Variants in COX7B2 observed in about 807,000 individuals in gnomAD.
COX7B2 encodes the protein cytochrome c oxidase subunit 7B2, mitochondrial.
For synonymous variants in COX7B2, 37 were observed against 32.1 expected (o/e 1.15, Z -0.51); for missense variants, 109 against 95.9 (o/e 1.14, Z -0.57).
At chr4:46,773,091 C>T (rs976410129) in intron 2 of COX7B2, among the ~76,000 whole-genome samples, 4 of 152,142 alleles carry the variant, frequency 2.6e-5, no homozygotes, top group African/African-American at 4.8e-5. Flanking sequence ...TTTTGCAACA[C>T]ATGAAATACG....
At chr4:46,764,753 CAATTATA>C in intron 2 of COX7B2, among the ~76,000 whole-genome samples, 1 of 148,794 alleles carries the variant, frequency 6.7e-6, no homozygotes. Context: ...CTGACCGTTA[CAATTATA>C]AAATATTTTA....
At chr4:46,761,155 CAATT>C (rs1716122513) in intron 2 of COX7B2, among the ~76,000 whole-genome samples, 1 of 152,100 alleles carries the variant, frequency 6.6e-6, no homozygotes, top group South Asian at 2.1e-4. Flanking sequence ...AGCTCTATCT[CAATT>C]AGAGCATTTT....
At chr4:46,753,669 T>A (rs7434807) in intron 2 of COX7B2, among the ~76,000 whole-genome samples, 49,191 of 151,236 alleles carry the variant, frequency 0.33, 8,233 homozygotes, top group South Asian at 0.47. Context: ...ACTTCATGTC[T>A]AAAACACCAA....
At chr4:46,825,307 T>C (rs2109707601) in intron 2 of COX7B2, among the ~76,000 whole-genome samples, 1 of 151,804 alleles carries the variant, frequency 6.6e-6, no homozygotes, top group Middle Eastern at 3.4e-3. Flanking sequence ...ATAAAATACC[T>C]AGGAATACAG....
chr4:46,828,932 TAAAAA>T (rs1177221978), intron 2 of COX7B2, among the ~76,000 whole-genome samples: 1 of 152,074 alleles, frequency 6.6e-6, no homozygotes, highest in Non-Finnish European at 1.5e-5. Context: ...GCATATAAAA[TAAAAA>T]AATGTATTTC....
At chr4:46,793,774 G>A (rs1043455111) in intron 2 of COX7B2, among the ~76,000 whole-genome samples, 5 of 152,198 alleles carry the variant, frequency 3.3e-5, no homozygotes, top group Non-Finnish European at 7.3e-5. Context: ...GCCAGATGCT[G>A]CTGAAGTGAA....
intron 2 of COX7B2, among the ~76,000 whole-genome samples, chr4:46,751,061 A>C (rs1230529065): frequency 1.3e-5 from 2 of 152,130 alleles, no homozygotes; most frequent in African/African-American, 4.8e-5. Flanking sequence ...ATTTCACACA[A>C]ATCTCCTATT....
chr4:46,756,237 C>T (rs1715790825), intron 2 of COX7B2, among the ~76,000 whole-genome samples: 1 of 151,946 alleles, frequency 6.6e-6, no homozygotes, highest in African/African-American at 2.4e-5. Context: ...AATAATGTTG[C>T]TGGGAGATCA....
At chr4:46,882,551 T>C (rs1277250744) in intron 1 of COX7B2, among the ~76,000 whole-genome samples, 1 of 152,098 alleles carries the variant, frequency 6.6e-6, no homozygotes, top group African/African-American at 2.4e-5. Flanking sequence ...ATGTAATGCC[T>C]TTCTTTGTCT....
chr4:46,857,683 A>C (rs982727885), intron 1 of COX7B2, among the ~76,000 whole-genome samples: 18 of 152,254 alleles, frequency 1.2e-4, no homozygotes, highest in Non-Finnish European at 2.2e-4. Flanking sequence ...CAGCCAAATT[A>C]AACAAAAGGC....
chr4:46,782,081 G>A (rs1717492640), intron 2 of COX7B2, among the ~76,000 whole-genome samples: 1 of 152,206 alleles, frequency 6.6e-6, no homozygotes, highest in African/African-American at 2.4e-5. Context: ...TCTGCCCATG[G>A]CCCCTGCGCA....
At chr4:46,804,369 T>C (rs58846008) in intron 2 of COX7B2, among the ~76,000 whole-genome samples, 5,303 of 152,234 alleles carry the variant, frequency 0.035, 236 homozygotes, top group African/African-American at 0.11. Context: ...CTTATCTGGC[T>C]CCACCCACAT....
At chr4:46,857,294 T>A (rs1289482705) in intron 1 of COX7B2, among the ~76,000 whole-genome samples, 1 of 152,220 alleles carries the variant, frequency 6.6e-6, no homozygotes, top group East Asian at 1.9e-4. Flanking sequence ...TTACACCACA[T>A]AGTTAACAAG....
Position 46,823,980 on chromosome 4 carries a change from C to T in COX7B2, c.-50+20980G>A, listed in dbSNP as rs572893410. Among the ~76,000 whole-genome samples, 3 of 151,804 alleles carry T rather than the reference C, an allele frequency of 2.0e-5. No homozygotes were observed. The East Asian group carries it at 5.8e-4, about 29-fold the overall frequency. Reference sequence around the variant, plus strand: ...TTTTAAAATACTATAAAACTCTATTCCCCCAAATTTAATAGCTTCAGTGAA... The same window carrying T: ...TTTTAAAATACTATAAAACTCTATTTCCCCAAATTTAATAGCTTCAGTGAA... On this transcript the variant is annotated intron_variant, in intron 2 of 2. Coordinates refer to ENST00000355591, the MANE Select transcript of COX7B2 (RefSeq NM_130902.3).
intron 2 of COX7B2, among the ~76,000 whole-genome samples, chr4:46,794,710 T>C (rs544409041): frequency 6.6e-6 from 1 of 152,252 alleles, no homozygotes; most frequent in South Asian, 2.1e-4. Flanking sequence ...GTGGGCATGA[T>C]TACTATGATG....
At chr4:46,889,160 C>A (rs1418035488) in intron 1 of COX7B2, among the ~76,000 whole-genome samples, 2 of 152,100 alleles carry the variant, frequency 1.3e-5, no homozygotes, top group African/African-American at 4.8e-5. Context: ...TTAAAAAAAT[C>A]TAAGGAGAAA....
chr4:46,747,485 A>G (rs28520279), intron 2 of COX7B2, among the ~76,000 whole-genome samples: 49,300 of 150,950 alleles, frequency 0.33, 8,281 homozygotes, highest in South Asian at 0.47. Flanking sequence ...TGTATTTTTA[A>G]TAGAGACGGG....
At chr4:46,793,821 G>A (rs1211455318) in intron 2 of COX7B2, among the ~76,000 whole-genome samples, 1 of 152,142 alleles carries the variant, frequency 6.6e-6, no homozygotes, top group African/African-American at 2.4e-5. Context: ...CTATAAATTG[G>A]GATTGAGATG....
chr4:46,832,722 GTTCAC>G (rs1334379195), intron 2 of COX7B2, among the ~76,000 whole-genome samples: 1 of 152,024 alleles, frequency 6.6e-6, no homozygotes, highest in Admixed American at 6.6e-5. Context: ...TGTTCAGTTA[GTTCAC>G]TTAAGATATG....
Sources: allele counts gnomAD v4.1 joint callset (sites outside exome capture counted in the v4.1 genomes callset), GRCh38; gene constraint gnomAD v4.1.1; transcripts MANE v1.5; gene names NCBI Gene and HGNC (gene_info 2026-07-23, HGNC 2026-07-21).